The following VTA1 variants were observed in gnomAD, a reference collection of about 807,000 sequenced individuals.
VTA1 encodes vesicle trafficking 1, also known as vacuolar protein sorting-associated protein VTA1 homolog.
A neutral mutation model predicts 36.9 loss-of-function variants in VTA1; 24 were observed. The ratio of observed to expected loss-of-function variants is 0.65; its 90% confidence interval spans 0.47 to 0.91. VTA1 has a LOEUF of 0.91. Among genes scored for constraint, VTA1 ranks in the 40% least tolerant of loss-of-function variants. The probability of loss-of-function intolerance (pLI) is 0.00; values close to 1 mark genes in which losing one functional copy is unlikely to be tolerated. For synonymous variants in VTA1, 142 were observed against 130.2 expected (o/e 1.09, Z -0.62); for missense variants, 393 against 377.2 (o/e 1.04, Z -0.35).
At chr6:142,184,083 C>T (rs1052931945) in intron 4 of VTA1, among the ~76,000 whole-genome samples, 2 of 152,230 alleles carry the variant, frequency 1.3e-5, no homozygotes, top group Middle Eastern at 6.8e-3. Context: ...TCAAAGAAGG[C>T]AGTTTAAACT....
Position 142,220,384 on chromosome 6 carries a change from T to C in VTA1, c.*1741T>C, listed in dbSNP as rs917024598. On this transcript the variant is annotated 3_prime_UTR_variant, in exon 8 of 8. Coordinates refer to ENST00000367630, the MANE Select transcript of VTA1 (RefSeq NM_016485.5). ...TTATACCCTACCTTCTGGTTCCCAA[T>C]TGGGAGAGCACATAGAGGGAAGGAG... 2 of 152,104 alleles carry C rather than the reference T, an allele frequency of 1.3e-5. No individual in the cohort carries two copies. The highest frequency in any genetic ancestry group is 2.9e-5 in the Non-Finnish European group (2 of 68,028). 9.4% of individuals were successfully genotyped at this position (152,104 alleles called of 1,614,324 possible). A position where few individuals can be genotyped will look rare whatever the true frequency, so the allele number is the denominator to read the frequency against.
At chr6:142,191,195 T>C (rs1775449094) in intron 5 of VTA1, among the ~76,000 whole-genome samples, 1 of 152,158 alleles carries the variant, frequency 6.6e-6, no homozygotes, top group Non-Finnish European at 1.5e-5. Context: ...ATATTTCTAG[T>C]CTTTTTCTGT....
At chr6:142,149,057 A>G (rs1778515181) in intron 1 of VTA1, among the ~76,000 whole-genome samples, 1 of 152,232 alleles carries the variant, frequency 6.6e-6, no homozygotes, top group Admixed American at 6.5e-5. Flanking sequence ...AGATTTTTCT[A>G]AACCTAATCC....
chr6:142,195,420 A>G (rs1775525443), intron 5 of VTA1, among the ~76,000 whole-genome samples: 1 of 151,680 alleles, frequency 6.6e-6, no homozygotes, highest in Non-Finnish European at 1.5e-5. Context: ...TGTATTTGAT[A>G]TCACCTCCTT....
intron 6 of VTA1, 22 bp downstream of exon 6, chr6:142,198,637 A>G (rs1775618207): frequency 4.4e-6 from 7 of 1,581,064 alleles, no homozygotes; most frequent in African/African-American, 2.7e-5. Flanking sequence ...TAACTGAATG[A>G]TTTATTTAAT....
At chr6:142,210,299 C>T (rs1002154602) in intron 7 of VTA1, among the ~76,000 whole-genome samples, 7 of 152,110 alleles carry the variant, frequency 4.6e-5, no homozygotes, top group Non-Finnish European at 7.4e-5. Flanking sequence ...TCTGAAACCT[C>T]AAATCTAAGA....
chr6:142,149,583 G>A (rs979352227), intron 1 of VTA1, among the ~76,000 whole-genome samples: 2 of 152,090 alleles, frequency 1.3e-5, no homozygotes, highest in African/African-American at 4.8e-5. Flanking sequence ...ATCTGTCACA[G>A]TCTTGTCTTA....
chr6:142,192,825 A>G (rs1775480087), intron 5 of VTA1, among the ~76,000 whole-genome samples: 1 of 152,076 alleles, frequency 6.6e-6, no homozygotes, highest in South Asian at 2.1e-4. Context: ...TCACAAGAGG[A>G]TATCATTATA....
At chr6:142,158,472 C>T (rs1054425103) in intron 1 of VTA1, among the ~76,000 whole-genome samples, 21 of 152,150 alleles carry the variant, frequency 1.4e-4, no homozygotes, top group Non-Finnish European at 2.4e-4. Context: ...TAAATGAATA[C>T]ATGATCCATG....
chr6:142,172,478 A>T (rs1189470219), intron 4 of VTA1, among the ~76,000 whole-genome samples: 1 of 152,192 alleles, frequency 6.6e-6, no homozygotes, highest in East Asian at 1.9e-4. Flanking sequence ...GCCCATTTAG[A>T]GCCACTGCTC....
intron 7 of VTA1, among the ~76,000 whole-genome samples, chr6:142,213,800 CAG>C (rs919376854): frequency 6.6e-6 from 1 of 152,172 alleles, no homozygotes; most frequent in African/African-American, 2.4e-5. Context: ...CAAGGCTACA[CAG>C]AGCAGCTGGC....
Position 142,220,736 on chromosome 6 carries a change from A to G in VTA1, c.*2093A>G, listed in dbSNP as rs1776094603. ...TAACTTTGTATTTGTATTTTTTCCT[A>G]TAAAATCTTAAAATAAAATTAGGAG... On this transcript the variant is annotated 3_prime_UTR_variant, in exon 8 of 8. Transcript: ENST00000367630. The G allele has an allele frequency of 6.6e-6, 1 of 152,088 alleles. No individual in the cohort carries two copies. Among genetic ancestry groups the G allele is most frequent in the South Asian group, 2.1e-4 (1 of 4,830 alleles). The allele number at this position is 152,088 out of a possible 1,614,324, so 9.4% of individuals were successfully genotyped here.
In VTA1 at chr6:142,172,845, A is replaced by G. The variant is rs1045366488; in HGVS notation, c.411+2424A>G. ...GTAAGTCATAAGCCAGGTCAGACAG[A>G]TGATGGAAGACCTACAATCTTCAGT... On this transcript the variant is annotated intron_variant, in intron 4 of 7. Transcript: ENST00000367630. Among the ~76,000 whole-genome samples the G allele has an allele frequency of 1.2e-4, 19 of 152,148 alleles. 1 individual carries two copies. Among genetic ancestry groups the G allele is most frequent in the Non-Finnish European group, 2.9e-5 (2 of 68,012 alleles).
chr6:142,193,974 C>A (rs1391195967), intron 5 of VTA1, among the ~76,000 whole-genome samples: 1 of 152,042 alleles, frequency 6.6e-6, no homozygotes, highest in Non-Finnish European at 1.5e-5. Context: ...AGCAACTACT[C>A]TGGACTTAGT....
chr6:142,156,279 G>T (rs1007232987), intron 1 of VTA1, among the ~76,000 whole-genome samples: 1 of 152,170 alleles, frequency 6.6e-6, no homozygotes, highest in African/African-American at 2.4e-5. Context: ...TAGAGAACCA[G>T]TTATTGAGTG....
chr6:142,187,916 T>C (rs554227642), intron 4 of VTA1, among the ~76,000 whole-genome samples: 10 of 148,118 alleles, frequency 6.8e-5, no homozygotes, highest in Middle Eastern at 3.5e-3. Flanking sequence ...TTCTTTCTTT[T>C]TTTTTTTTTT....
At chr6:142,189,830 C>T (rs918927679) in intron 5 of VTA1, among the ~76,000 whole-genome samples, 4 of 152,090 alleles carry the variant, frequency 2.6e-5, no homozygotes, top group Admixed American at 2.6e-4. Context: ...AGTCTCTGCT[C>T]ACTGGGAGCT....
Position 142,156,871 on chromosome 6 carries a change from T to TATCTATTGATAGATGGTAA in VTA1, c.113-9356_113-9355insTCTATTGATAGATGGTAAA, listed in dbSNP as rs1279735858. On this transcript the variant is annotated intron_variant, in intron 1 of 7. Coordinates refer to ENST00000367630, the MANE Select transcript of VTA1 (RefSeq NM_016485.5). Reference sequence around the variant, plus strand: ...ATTTCTTTATTGATAGATGGTAAACTACATGGATATTAGCATTAACAATCA... The same window carrying TATCTATTGATAGATGGTAA: ...ATTTCTTTATTGATAGATGGTAAACTATCTATTGATAGATGGTAAACATGGATATTAGCATTAACAATCA... 4.6e-5 allele frequency among the ~76,000 whole-genome samples: 7 copies of TATCTATTGATAGATGGTAA among 152,320 alleles called. No individual in the cohort carries two copies. In the East Asian group the frequency reaches 1.2e-3, roughly 25 times the overall value.
intron 6 of VTA1, 99 bp from the exon 7 acceptor site, chr6:142,203,886 C>T: frequency 1.1e-6 from 1 of 913,976 alleles, no homozygotes; most frequent in African/African-American, 1.7e-5. Flanking sequence ...AGAAAATAAG[C>T]AAAGTAATGA....
Sources: gnomAD v4.1 joint callset for allele counts (sites outside exome capture counted in the v4.1 genomes callset) on GRCh38, gnomAD v4.1.1 for gene constraint, MANE v1.5 for transcripts, NCBI Gene and HGNC (gene_info 2026-07-23, HGNC 2026-07-21) for gene names.